The following PTPRG variants were observed in gnomAD, a reference collection of about 807,000 sequenced individuals.
PTPRG encodes the protein protein tyrosine phosphatase receptor type G, also known as receptor-type tyrosine-protein phosphatase gamma.
In PTPRG, 102 loss-of-function variants were observed where a neutral mutation model predicts 165.3. That is an observed-to-expected ratio of 0.62 (90% CI 0.53 to 0.73). The LOEUF is 0.73. PTPRG is among the 30% of genes least tolerant of loss of function. The pLI is 0.00. For synonymous variants in PTPRG, 675 were observed against 669.5 expected (o/e 1.01, Z -0.13); for missense variants, 1,866 against 1,861.4 (o/e 1.00, Z -0.05).
chr3:61,690,167 C>T (rs759180017), intron 1 of PTPRG, among the ~76,000 whole-genome samples: 1 of 152,196 alleles, frequency 6.6e-6, no homozygotes, highest in African/African-American at 2.4e-5. Context: ...TTACTTGTTA[C>T]GACAATATCA....
intron 4 of PTPRG, among the ~76,000 whole-genome samples, chr3:62,022,535 C>G (rs2041722052): frequency 6.6e-6 from 1 of 152,084 alleles, no homozygotes; most frequent in African/African-American, 2.4e-5. Context: ...GTGAACGATG[C>G]AGGTAGAGAT....
intron 2 of PTPRG, among the ~76,000 whole-genome samples, chr3:61,836,062 CA>C (rs749017389): frequency 0.41 from 42,005 of 103,136 alleles, 7,642 homozygotes; most frequent in Non-Finnish European, 0.48. Context: ...CCCCCCCCAC[CA>C]AAAAAAAAAA....
chr3:61,624,536 G>A (rs902005506), intron 1 of PTPRG, among the ~76,000 whole-genome samples: 2 of 152,196 alleles, frequency 1.3e-5, no homozygotes, highest in Non-Finnish European at 2.9e-5. Context: ...AAGCCCAAGG[G>A]CATCGCAAAG....
At chr3:61,891,569 G>A (rs1382830346) in intron 2 of PTPRG, among the ~76,000 whole-genome samples, 1 of 152,150 alleles carries the variant, frequency 6.6e-6, no homozygotes, top group African/African-American at 2.4e-5. Flanking sequence ...GATGGTGAAC[G>A]GAGACAGAAT....
chr3:62,049,521 GT>G (rs1344327959), intron 4 of PTPRG, among the ~76,000 whole-genome samples: 1 of 151,910 alleles, frequency 6.6e-6, no homozygotes, highest in Non-Finnish European at 1.5e-5. Context: ...CTTTTACTCG[GT>G]AACTTTCCAA....
At chr3:61,704,724 G>A (rs2031160672) in intron 1 of PTPRG, among the ~76,000 whole-genome samples, 2 of 152,106 alleles carry the variant, frequency 1.3e-5, no homozygotes, top group South Asian at 4.2e-4. Context: ...CCCACTGATG[G>A]AAACAAAAAT....
intron 1 of PTPRG, among the ~76,000 whole-genome samples, chr3:61,630,561 C>T (rs1412415045): frequency 1.3e-5 from 2 of 152,124 alleles, no homozygotes; most frequent in South Asian, 4.1e-4. Context: ...CTTTGGAGAG[C>T]TCTTCAGGGG....
intron 2 of PTPRG, among the ~76,000 whole-genome samples, chr3:61,902,300 G>A (rs1017912659): frequency 6.6e-6 from 1 of 152,158 alleles, no homozygotes; most frequent in African/African-American, 2.4e-5. Context: ...CATGCTGAGA[G>A]CTACTTTCCA....
chr3:61,720,517 G>T (rs1181870016), intron 1 of PTPRG, among the ~76,000 whole-genome samples: 1 of 152,106 alleles, frequency 6.6e-6, no homozygotes, highest in Non-Finnish European at 1.5e-5. Context: ...CACAATATCT[G>T]AACACAGCCA....
At chr3:61,816,332 C>A (rs1296798723) in intron 2 of PTPRG, among the ~76,000 whole-genome samples, 1 of 152,120 alleles carries the variant, frequency 6.6e-6, no homozygotes, top group South Asian at 2.1e-4. Flanking sequence ...GAGTTTGAGA[C>A]CATCCTGGCC....
Position 62,003,439 on chromosome 3 carries a change from A to T in PTPRG, c.461A>T (p.His154Leu). The T allele has an allele frequency of 1.2e-6, 2 of 1,614,102 alleles. No homozygotes were observed. The highest frequency in any genetic ancestry group is 1.7e-6 in the Non-Finnish European group (2 of 1,179,954). The change falls in exon 4 of 30, where the codon CAC becomes CTC. Residue 154 changes from histidine to leucine, a missense_variant. This residue lies in a region of PTPRG where 408 missense variants were observed against 376.2 expected (regional missense o/e 1.08). Coordinates refer to ENST00000474889, the MANE Select transcript of PTPRG (RefSeq NM_002841.4). Reference protein sequence around the residue: ...KAEKVEFHWGHSNGSAGSEHS... With the variant: ...KAEKVEFHWGLSNGSAGSEHS... The stretch of plus-strand genomic sequence containing the variant: ...GAGAAGGTGGAATTTCACTGGGGCC[A>T]CAGCAATGGCTCAGCGGGCTCTGAA...
At chr3:61,980,590 G>C (rs1355025649) in intron 2 of PTPRG, among the ~76,000 whole-genome samples, 5 of 152,176 alleles carry the variant, frequency 3.3e-5, no homozygotes, top group African/African-American at 1.2e-4. Context: ...TTTCGTCTTA[G>C]TGAAAACATC....
chr3:62,092,990 A>G (rs1197359361), intron 5 of PTPRG, among the ~76,000 whole-genome samples: 2 of 152,184 alleles, frequency 1.3e-5, no homozygotes, highest in Non-Finnish European at 2.9e-5. Flanking sequence ...GAGAAAGTGT[A>G]AAACAACTTT....
At chr3:61,920,988 A>G (rs1003433106) in intron 2 of PTPRG, among the ~76,000 whole-genome samples, 2 of 152,172 alleles carry the variant, frequency 1.3e-5, no homozygotes, top group Admixed American at 6.5e-5. Flanking sequence ...ATTGGATACC[A>G]GAAATCTTGG....
chr3:62,214,220 G>A lies in PTPRG; in HGVS notation c.2156-4631G>A, dbSNP rs1700439165. Among the ~76,000 whole-genome samples the A allele has an allele frequency of 6.6e-6, 1 of 152,166 alleles. No homozygotes were observed. The highest frequency in any genetic ancestry group is 1.9e-4 in the East Asian group (1 of 5,180). On this transcript the variant is annotated intron_variant, in intron 12 of 29. Transcript: ENST00000474889. The surrounding 1 kb of genome is among the most constrained non-coding windows in gnomAD (Gnocchi z 5.2). Reference sequence around the variant, plus strand: ...GAGGAGTCAGATTCAGCAAACACCCGGTGAGTGCTCACCATCTCCTGCTGC... The same window carrying A: ...GAGGAGTCAGATTCAGCAAACACCCAGTGAGTGCTCACCATCTCCTGCTGC...
In PTPRG at chr3:62,297,437, T is replaced by C. The variant is rs1703100152; in HGVS notation, c.*4130T>C. The C allele has an allele frequency of 6.6e-6, 1 of 151,636 alleles. No homozygotes were observed. Among genetic ancestry groups the C allele is most frequent in the South Asian group, 2.1e-4 (1 of 4,828 alleles). The allele number at this position is 151,636 out of a possible 1,614,324, so 9.4% of individuals were successfully genotyped here. ...AAAACATTCGTCACATTGACCCATT[T>C]GGAAAAAGTGTGCTTTTTTTTTTTT... On this transcript the variant is annotated 3_prime_UTR_variant, in exon 30 of 30. Coordinates refer to ENST00000474889, the MANE Select transcript of PTPRG (RefSeq NM_002841.4).
intron 1 of PTPRG, among the ~76,000 whole-genome samples, chr3:61,603,079 A>G (rs188656917): frequency 6.6e-6 from 1 of 152,148 alleles, no homozygotes; most frequent in Non-Finnish European, 1.5e-5. Context: ...ATGGGTCATC[A>G]TGGGAATATT....
chr3:61,965,571 A>G (rs955991881), intron 2 of PTPRG, among the ~76,000 whole-genome samples: 3 of 152,024 alleles, frequency 2.0e-5, no homozygotes, highest in African/African-American at 4.8e-5. Context: ...GTTGTTCAAG[A>G]GTGTTCTTCT....
At chr3:61,569,859 A>C (rs887986400) in intron 1 of PTPRG, among the ~76,000 whole-genome samples, 1 of 152,232 alleles carries the variant, frequency 6.6e-6, no homozygotes. Flanking sequence ...GAAAGTCCTC[A>C]TGAAGTCTGA....
Sources: allele counts gnomAD v4.1 joint callset (sites outside exome capture counted in the v4.1 genomes callset), GRCh38; gene constraint gnomAD v4.1.1; regional missense constraint gnomAD v4.1.1; non-coding constraint Gnocchi (gnomAD v3.1); transcripts MANE v1.5; gene names NCBI Gene and HGNC (gene_info 2026-07-23, HGNC 2026-07-21).